Variants in MOGAT2 observed in about 807,000 individuals in gnomAD.
MOGAT2 encodes monoacylglycerol O-acyltransferase 2.
Under a neutral mutation model 31.5 loss-of-function variants are expected in MOGAT2, and 27 were observed. That is an observed-to-expected ratio of 0.86 (90% CI 0.63 to 1.18). The LOEUF is 1.18. Ranked by LOEUF, MOGAT2 falls within the 50% of genes most tolerant of loss-of-function variation. MOGAT2 has a pLI of 0.00. For missense variants in MOGAT2, 436 were observed against 433.2 expected (o/e 1.01, Z -0.06); for synonymous variants, 163 against 170.0 (o/e 0.96, Z 0.32).
intron 2 of MOGAT2, among the ~76,000 whole-genome samples, chr11:75,722,211 T>G (rs887179190): frequency 2.0e-5 from 3 of 152,196 alleles, no homozygotes; most frequent in Non-Finnish European, 4.4e-5. Context: ...GTCATGGACG[T>G]GTCAGAGGCA....
At chr11:75,729,356 C>A (rs1227507104) in intron 5 of MOGAT2, among the ~76,000 whole-genome samples, 1 of 152,210 alleles carries the variant, frequency 6.6e-6, no homozygotes, top group Non-Finnish European at 1.5e-5. Context: ...CTCACTGCAA[C>A]CTCCGCCTCC....
At chr11:75,729,218 G>A (rs80039128) in intron 5 of MOGAT2, among the ~76,000 whole-genome samples, 4,655 of 152,300 alleles carry the variant, frequency 0.031, 217 homozygotes, top group African/African-American at 0.11. Flanking sequence ...CACCTGCTGT[G>A]TGCCAGGCAC....
Position 75,731,184 on chromosome 11 carries a change from G to A in MOGAT2, c.903G>A (p.Val301=). 3 of 1,614,096 alleles carry A rather than the reference G, an allele frequency of 1.9e-6. No homozygotes were observed. Among genetic ancestry groups the A allele is most frequent in the Non-Finnish European group, 2.5e-6 (3 of 1,180,022 alleles). Residue 301 remains valine, a synonymous_variant, in exon 6 of 6, where the codon GTG becomes GTA. Transcript: ENST00000198801. ...QKTLHPSEEE[V]NQLHQRYIKE... ...CGCTGCATCCCTCGGAGGAGGAGGT[G>A]AACCAGCTGCACCAGCGTTATATCA...
At chr11:75,726,271 G>A (rs1378059089) in intron 2 of MOGAT2, among the ~76,000 whole-genome samples, 2 of 152,184 alleles carry the variant, frequency 1.3e-5, no homozygotes, top group African/African-American at 4.8e-5. Flanking sequence ...GCCACAGGGT[G>A]CCATGCATCA....
At chr11:75,719,837 T>G in intron 1 of MOGAT2, 155 bp from the exon 2 acceptor site, 1 of 706,086 alleles carries the variant, frequency 1.4e-6, no homozygotes, top group East Asian at 2.6e-5. Flanking sequence ...GTCTCCTCTT[T>G]GAATGCCCCG....
intron 2 of MOGAT2, among the ~76,000 whole-genome samples, chr11:75,726,655 G>A (rs1944424036): frequency 6.8e-6 from 1 of 148,052 alleles, no homozygotes. Flanking sequence ...ATCTGAGGTT[G>A]TTTGAATCCA....
Position 75,728,020 on chromosome 11 carries a change from G to A in MOGAT2, c.526G>A (p.Gly176Ser), listed in dbSNP as rs764582006. The change falls in exon 4 of 6, where the codon GGT becomes AGT. Residue 176 changes from glycine to serine, a missense_variant. Physicochemically the swap from Gly to Ser is moderately conservative, Grantham distance 56 (BLOSUM62 0). Transcript: ENST00000198801. ...TGCTGCTCACATTCTGAACAGGAAG[G>A]GTGGCGGAAACTTGCTGGGCATCAT... ...ESAAHILNRK[G>S]GGNLLGIIVG... The A allele has an allele frequency of 3.1e-6, 5 of 1,613,828 alleles. No homozygotes were observed. In the East Asian group the frequency reaches 1.1e-4, roughly 36 times the overall value.
rs564654343 is a variant in MOGAT2, at chr11:75,731,703, G to T, written c.*417G>T. 4.0e-3 allele frequency: 629 copies of T among 158,352 alleles called. 2 individuals are homozygous for T. Among genetic ancestry groups the T allele is most frequent in the African/African-American group, 0.014 (572 of 41,590 alleles). 9.8% of individuals were successfully genotyped at this position (158,352 alleles called of 1,614,324 possible). A position where few individuals can be genotyped will look rare whatever the true frequency, so the allele number is the denominator to read the frequency against. On this transcript the variant is annotated 3_prime_UTR_variant, in exon 6 of 6. Transcript: ENST00000198801. ...AGCAGATTCAAGGAGTAAGGAATAG[G>T]ATCCCCCTCTGGATGGGAGGAGCAG...
At chr11:75,725,506 C>T (rs780224643) in intron 2 of MOGAT2, among the ~76,000 whole-genome samples, 1 of 151,886 alleles carries the variant, frequency 6.6e-6, no homozygotes, top group Non-Finnish European at 1.5e-5. Flanking sequence ...TGAGATCATG[C>T]CACTGCACTC....
chr11:75,723,308 T>A (rs1037084385), intron 2 of MOGAT2, among the ~76,000 whole-genome samples: 3 of 152,124 alleles, frequency 2.0e-5, no homozygotes, highest in Middle Eastern at 3.2e-3. Flanking sequence ...CCGCAGGCCC[T>A]TTGCAGCACC....
Position 75,728,793 on chromosome 11 carries a change from AC to A in MOGAT2, c.658del (p.Leu220TrpfsTer54). 1 of 1,613,884 alleles carries A rather than the reference AC, an allele frequency of 6.2e-7. No homozygotes were observed. The highest frequency in any genetic ancestry group is 1.3e-5 in the African/African-American group (1 of 75,026). ...FVRLALTHGA[P>X]LVPIFSFGEN... ...TCTTTCCTCTATTTGTCTCCAGGGC[AC>A]CCCTGGTGCCAATCTTCTCCTTCGG... On this transcript the variant is annotated frameshift_variant, in exon 5 of 6. Coordinates refer to ENST00000198801, the MANE Select transcript of MOGAT2 (RefSeq NM_025098.4). LOFTEE classifies it high-confidence loss of function.
intron 2 of MOGAT2, among the ~76,000 whole-genome samples, chr11:75,727,072 T>G (rs1358597512): frequency 6.6e-6 from 1 of 152,166 alleles, no homozygotes; most frequent in Non-Finnish European, 1.5e-5. Context: ...TGTTATATCC[T>G]GTCCAGGTGG....
intron 1 of MOGAT2, among the ~76,000 whole-genome samples, chr11:75,718,386 A>G (rs1229122921): frequency 6.6e-6 from 1 of 152,132 alleles, no homozygotes; most frequent in Non-Finnish European, 1.5e-5. Context: ...GGCTGGTAGT[A>G]GGGTAAGTGA....
At chr11:75,724,542 A>G (rs1466614547) in intron 2 of MOGAT2, among the ~76,000 whole-genome samples, 3 of 151,530 alleles carry the variant, frequency 2.0e-5, no homozygotes, top group Admixed American at 2.0e-4. Flanking sequence ...GGCGCTTGTC[A>G]TCCCAGCTAC....
chr11:75,725,958 C>T (rs1437911392), intron 2 of MOGAT2, among the ~76,000 whole-genome samples: 1 of 152,198 alleles, frequency 6.6e-6, no homozygotes, highest in Non-Finnish European at 1.5e-5. Flanking sequence ...GGGTGGCCCC[C>T]GCAGTTCCTT....
At chr11:75,725,862 C>T (rs769256627) in intron 2 of MOGAT2, among the ~76,000 whole-genome samples, 9 of 152,320 alleles carry the variant, frequency 5.9e-5, no homozygotes, top group South Asian at 2.1e-4. Flanking sequence ...GGGAGCCTCC[C>T]GATGGGGTAT....
At chr11:75,721,474 G>A (rs1411080977) in intron 2 of MOGAT2, among the ~76,000 whole-genome samples, 1 of 152,032 alleles carries the variant, frequency 6.6e-6, no homozygotes, top group Non-Finnish European at 1.5e-5. Flanking sequence ...GTAGAGACGG[G>A]GTTTCTCCAT....
chr11:75,725,577 T>TAAAC (rs1216318254), intron 2 of MOGAT2, among the ~76,000 whole-genome samples: 1 of 143,792 alleles, frequency 7.0e-6, no homozygotes, highest in Non-Finnish European at 1.5e-5. Context: ...AATAAATAAA[T>TAAAC]AAATTGCAGA....
intron 2 of MOGAT2, among the ~76,000 whole-genome samples, chr11:75,721,313 C>T (rs752457389): frequency 2.2e-4 from 33 of 151,564 alleles, no homozygotes; most frequent in Non-Finnish European, 2.8e-4. Flanking sequence ...GATGGAGTCT[C>T]GCTCTGTCAC....
Sources: allele counts gnomAD v4.1 joint callset (sites outside exome capture counted in the v4.1 genomes callset), GRCh38; gene constraint gnomAD v4.1.1; transcripts MANE v1.5; gene names NCBI Gene and HGNC (gene_info 2026-07-23, HGNC 2026-07-21).